NUDCD3: variants seen among roughly 807,000 people sequenced by gnomAD.
The protein encoded by NUDCD3 is NudC domain containing 3.
A neutral mutation model predicts 39.7 loss-of-function variants in NUDCD3; 13 were observed. The observed-to-expected ratio is 0.33, with a 90% CI of 0.21 to 0.52. The LOEUF (loss-of-function observed/expected upper bound fraction) is 0.52. NUDCD3 is among the 20% of genes least tolerant of loss of function. NUDCD3 has a pLI of 0.96. For missense variants in NUDCD3, 453 were observed against 458.1 expected (o/e 0.99, Z 0.10); for synonymous variants, 175 against 172.4 (o/e 1.02, Z -0.12).
chr7:44,393,027 G>A (rs892750525), intron 4 of NUDCD3, among the ~76,000 whole-genome samples: 9 of 152,004 alleles, frequency 5.9e-5, no homozygotes, highest in African/African-American at 2.2e-4. Flanking sequence ...GAGACTTAGG[G>A]CTCAGCCTAA....
rs75541440 is a variant in NUDCD3 at position 44,445,299 on chromosome 7, A to G, written c.510-17596T>C. Among the ~76,000 whole-genome samples the G allele has an allele frequency of 8.0e-3, 1,221 of 152,336 alleles. 9 individuals are homozygous for G. The highest frequency in any genetic ancestry group is 0.027 in the African/African-American group (1,135 of 41,566). On this transcript the variant is annotated intron_variant, in intron 2 of 5. Transcript: ENST00000355451. ...TGACAAATCTGAGCAAACACTCTTGAGTTAGATAAGTTGCCCCAGTTTCTA... is the reference window on the plus strand; with the variant it reads ...TGACAAATCTGAGCAAACACTCTTGGGTTAGATAAGTTGCCCCAGTTTCTA...
At chr7:44,404,687 C>T (rs1798784654) in intron 3 of NUDCD3, 104 bp from the exon 4 acceptor site, 2 of 1,197,356 alleles carry the variant, frequency 1.7e-6, no homozygotes, top group Non-Finnish European at 2.3e-6. Flanking sequence ...CTGCACACTA[C>T]AGCGCTGTCA....
Position 44,466,129 on chromosome 7 carries a change from C to A in NUDCD3, c.509+18839G>T, listed in dbSNP as rs555254046. Among the ~76,000 whole-genome samples the A allele has an allele frequency of 2.5e-3, 373 of 152,226 alleles. 1 individual carries two copies. The highest frequency in any genetic ancestry group is 8.8e-3 in the African/African-American group (364 of 41,540). On this transcript the variant is annotated intron_variant, in intron 2 of 5. Coordinates refer to ENST00000355451, the MANE Select transcript of NUDCD3 (RefSeq NM_015332.4). ...CAGCACTGCACCAATGTAAAGCTCA[C>A]AATGGCCCCTAGAAGCAGGGACAGC... is the stretch of plus-strand genomic sequence containing the variant.
chr7:44,485,875 C>G (rs947281151), intron 1 of NUDCD3, among the ~76,000 whole-genome samples: 1 of 152,218 alleles, frequency 6.6e-6, no homozygotes, highest in Non-Finnish European at 1.5e-5. Flanking sequence ...AAGTTCTTAA[C>G]ATTTTCTGGG....
intron 3 of NUDCD3, among the ~76,000 whole-genome samples, chr7:44,414,315 T>C (rs1183591219): frequency 6.6e-6 from 1 of 152,126 alleles, no homozygotes; most frequent in East Asian, 1.9e-4. Context: ...TTGAGCCAGA[T>C]GACCAGGGAA....
At position 44,474,914 on chromosome 7, in the gene NUDCD3, C is replaced by G. The variant is rs141067948; in HGVS notation, c.509+10054G>C. Among the ~76,000 whole-genome samples the G allele has an allele frequency of 1.6e-4, 25 of 152,224 alleles. No homozygotes were observed. The East Asian group carries it at 4.3e-3, about 26-fold the overall frequency. ...AGCTATGACACAAGATGACACTGAGCCAGGTGGCCTAAGGCTCAATCCCCA... is the reference window on the plus strand; with the variant it reads ...AGCTATGACACAAGATGACACTGAGGCAGGTGGCCTAAGGCTCAATCCCCA... On this transcript the variant is annotated intron_variant, in intron 2 of 5. Transcript: ENST00000355451.
chr7:44,440,252 T>C (rs750532514), intron 2 of NUDCD3, among the ~76,000 whole-genome samples: 1 of 152,200 alleles, frequency 6.6e-6, no homozygotes, highest in Non-Finnish European at 1.5e-5. Context: ...ACCTCTGTGG[T>C]ATTCCTCTCC....
At chr7:44,420,518 T>C (rs1446465807) in intron 3 of NUDCD3, among the ~76,000 whole-genome samples, 1 of 152,024 alleles carries the variant, frequency 6.6e-6, no homozygotes, top group Non-Finnish European at 1.5e-5. Flanking sequence ...AGATACTCCT[T>C]GAGAAGAGCA....
At chr7:44,463,847 A>C (rs2116953127) in intron 2 of NUDCD3, among the ~76,000 whole-genome samples, 1 of 152,298 alleles carries the variant, frequency 6.6e-6, no homozygotes. Context: ...GACATTTTCA[A>C]AGAAATATAT....
At chr7:44,467,181 A>G (rs187426288) in intron 2 of NUDCD3, among the ~76,000 whole-genome samples, 29 of 152,196 alleles carry the variant, frequency 1.9e-4, no homozygotes, top group Non-Finnish European at 3.1e-4. Flanking sequence ...ATGGGTCAAT[A>G]AAGATAGAAA....
chr7:44,396,613 T>G (rs971010518), intron 4 of NUDCD3, among the ~76,000 whole-genome samples: 13 of 152,128 alleles, frequency 8.5e-5, no homozygotes, highest in African/African-American at 3.1e-4. Context: ...GGCCCACGCC[T>G]CGTAAGTCAT....
chr7:44,447,665 G>A (rs559107816), intron 2 of NUDCD3, among the ~76,000 whole-genome samples: 167 of 152,212 alleles, frequency 1.1e-3, no homozygotes, highest in Middle Eastern at 0.01. Flanking sequence ...CAGAACTGTA[G>A]GAAAATAAAA....
chr7:44,425,643 C>A (rs1799218853), intron 3 of NUDCD3, among the ~76,000 whole-genome samples: 1 of 152,150 alleles, frequency 6.6e-6, no homozygotes, highest in African/African-American at 2.4e-5. Flanking sequence ...GTGGGAAGAT[C>A]ATTTGAGGCC....
intron 5 of NUDCD3, among the ~76,000 whole-genome samples, chr7:44,386,540 G>A (rs898994043): frequency 5.3e-5 from 8 of 152,216 alleles, no homozygotes; most frequent in African/African-American, 1.9e-4. Context: ...CGTAGAGAAA[G>A]TGCTCAAGCC....
At position 44,392,503 on chromosome 7, in the gene NUDCD3, A is replaced by G. The variant is rs1275798453; in HGVS notation, c.787-18T>C. The G allele has an allele frequency of 6.2e-6, 10 of 1,611,244 alleles. No homozygotes were observed. In the East Asian group the frequency reaches 2.2e-4, roughly 36 times the overall value. On this transcript the variant is annotated intron_variant, in intron 4 of 5. Coordinates refer to ENST00000355451, the MANE Select transcript of NUDCD3 (RefSeq NM_015332.4). ...AGGTTCACCTGGGGACAAGCAGGAC[A>G]GAGACCTGAGTCAGAGACCTGAGAC...
At chr7:44,425,151 G>C (rs1027266978) in intron 3 of NUDCD3, among the ~76,000 whole-genome samples, 2 of 152,240 alleles carry the variant, frequency 1.3e-5, no homozygotes, top group African/African-American at 4.8e-5. Context: ...AAGGGGTCGG[G>C]GGAAAGGGGA....
chr7:44,397,592 G>A (rs1363706530), intron 4 of NUDCD3, among the ~76,000 whole-genome samples: 2 of 151,998 alleles, frequency 1.3e-5, no homozygotes, highest in Non-Finnish European at 2.9e-5. Context: ...GTGCTTATTA[G>A]CCTTCTCATT....
chr7:44,483,177 GATA>G (rs1272020413), intron 2 of NUDCD3, among the ~76,000 whole-genome samples: 2 of 152,014 alleles, frequency 1.3e-5, no homozygotes, highest in African/African-American at 4.8e-5. Flanking sequence ...TCAAACTAAT[GATA>G]ATAACTTCAA....
At chr7:44,465,305 C>A (rs1046848889) in intron 2 of NUDCD3, among the ~76,000 whole-genome samples, 1 of 152,194 alleles carries the variant, frequency 6.6e-6, no homozygotes, top group African/African-American at 2.4e-5. Flanking sequence ...ATACAGACAG[C>A]CACAGCACAG....
Sources: gnomAD v4.1 joint callset for allele counts (sites outside exome capture counted in the v4.1 genomes callset) on GRCh38, gnomAD v4.1.1 for gene constraint, MANE v1.5 for transcripts, NCBI Gene and HGNC (gene_info 2026-07-23, HGNC 2026-07-21) for gene names.